SSUH2: variants seen among roughly 807,000 people sequenced by gnomAD.
SSUH2 encodes protein SSUH2 homolog.
A neutral mutation model predicts 55.3 loss-of-function variants in SSUH2; 47 were observed. The observed-to-expected ratio is 0.85, with a 90% CI of 0.67 to 1.08. The LOEUF (loss-of-function observed/expected upper bound fraction) is 1.08, where lower values mean the gene tolerates loss of function less well. SSUH2 is among the 50% of genes least tolerant of loss of function. The pLI, the probability that SSUH2 is intolerant of heterozygous loss-of-function variation, is 0.00. For synonymous variants in SSUH2, 212 were observed against 191.5 expected (o/e 1.11, Z -0.89); for missense variants, 535 against 490.7 (o/e 1.09, Z -0.85).
intron 3 of SSUH2, among the ~76,000 whole-genome samples, chr3:8,675,679 G>C (rs554238551): frequency 1.4e-3 from 216 of 152,292 alleles, no homozygotes; most frequent in African/African-American, 5.1e-3. Context: ...GTGGGGTTTT[G>C]TAGACTGTGG....
Position 8,633,990 on chromosome 3 carries a change from G to A in SSUH2, c.210-195C>T, listed in dbSNP as rs2125189671. ...GGTGCCCAGCGTGAGAACGGGGCAG[G>A]TTTTCCTAGAGAACAGCCAAAAACA... On this transcript the variant is annotated intron_variant, in intron 3 of 11. Coordinates refer to ENST00000544814, the MANE Select transcript of SSUH2 (RefSeq NM_001256748.3). 3.1e-6 allele frequency: 5 copies of A among 1,592,724 alleles called. No homozygotes were observed. The South Asian group carries it at 4.5e-5, about 14-fold the overall frequency.
chr3:8,671,720 T>A (rs1704587108), intron 4 of SSUH2, among the ~76,000 whole-genome samples: 1 of 152,090 alleles, frequency 6.6e-6, no homozygotes, highest in Non-Finnish European at 1.5e-5. Context: ...GTTGCTAGAA[T>A]ATGGAAAATA....
At chr3:8,661,676 C>T (rs569324248) in intron 6 of SSUH2, among the ~76,000 whole-genome samples, 49 of 152,304 alleles carry the variant, frequency 3.2e-4, no homozygotes, top group African/African-American at 1.1e-3. Flanking sequence ...CCTCAGTTTC[C>T]ACAGGACCAC....
In SSUH2 at chr3:8,636,915, G is replaced by A. The variant is rs145163542; in HGVS notation, c.29-1058C>T. Among the ~76,000 whole-genome samples, 665 of 152,282 alleles carry A rather than the reference G, an allele frequency of 4.4e-3. 8 individuals carry two copies. The highest frequency in any genetic ancestry group is 0.014 in the African/African-American group (586 of 41,544). ...CCCAAGATCATACAACCAGCAAGTG[G>A]TGGGTGGGGCTGGATTCAAACCTAG... On this transcript the variant is annotated intron_variant, in intron 1 of 11. Transcript: ENST00000544814.
At position 8,623,536 on chromosome 3, in the gene SSUH2, C is replaced by T. The variant is rs746018189; in HGVS notation, c.981+13G>A. 2.3e-5 allele frequency: 34 copies of T among 1,510,602 alleles called. No individual in the cohort carries two copies. In the Middle Eastern group the frequency reaches 5.3e-4, roughly 23 times the overall value. 93.6% of individuals were successfully genotyped at this position (1,510,602 alleles called of 1,614,324 possible). On this transcript the variant is annotated intron_variant, in intron 11 of 11. Transcript: ENST00000544814. ...AGACGTCAGAGCCAGATGGCCCCTC[C>T]GCCCTGGCTCACCTGCTGCAGGACG...
chr3:8,676,747 C>A (rs1418286747), intron 3 of SSUH2, among the ~76,000 whole-genome samples: 1 of 151,118 alleles, frequency 6.6e-6, no homozygotes, highest in Non-Finnish European at 1.5e-5. Context: ...ATCATTCTCT[C>A]CCCCTCTTCC....
upstream of SSUH2, among the ~76,000 whole-genome samples, chr3:8,647,164 T>A (rs887208642): frequency 4.6e-5 from 7 of 152,080 alleles, no homozygotes; most frequent in Non-Finnish European, 7.4e-5. Context: ...TTGAACATGA[T>A]AGTGAGGAAA....
chr3:8,658,104 T>C (rs1703112973), intron 7 of SSUH2, among the ~76,000 whole-genome samples: 1 of 152,216 alleles, frequency 6.6e-6, no homozygotes, highest in Non-Finnish European at 1.5e-5. Flanking sequence ...GGCAGGTCAC[T>C]TAACCTCTCT....
At chr3:8,681,210 T>A (rs1419680283) in intron 1 of SSUH2, among the ~76,000 whole-genome samples, 1 of 144,096 alleles carries the variant, frequency 6.9e-6, no homozygotes, top group East Asian at 2.1e-4. Context: ...CCAGCCCCTC[T>A]TCCCCCCCTG....
rs546704231 is a variant in SSUH2 at position 8,623,563 on chromosome 3, G to C, written c.967C>G (p.Arg323Gly). Residue 323 changes from arginine (R) to glycine (G), a missense_variant, in exon 11 of 12, where the codon CGC (arginine) becomes GGC (glycine). Coordinates refer to ENST00000544814, the MANE Select transcript of SSUH2 (RefSeq NM_001256748.3). ...CCCTGGCTCACCTGCTGCAGGACGC[G>C]GGCACGGGAGGCCAAGGCAGCGCTG... is the stretch of plus-strand genomic sequence containing the variant. ...EHSAALASRARVLQQRQTIEL... is the reference protein window; with the variant it reads ...EHSAALASRAGVLQQRQTIEL... 9 of 1,549,490 alleles carry C rather than the reference G, an allele frequency of 5.8e-6. No homozygotes were observed. The highest frequency in any genetic ancestry group is 6.1e-6 in the Non-Finnish European group (7 of 1,145,194).
intron 2 of SSUH2, among the ~76,000 whole-genome samples, chr3:8,678,411 G>A (rs1705595272): frequency 6.6e-6 from 1 of 152,096 alleles, no homozygotes; most frequent in South Asian, 2.1e-4. Context: ...TTCACAGGCT[G>A]GGTGAACAGC....
intron 7 of SSUH2, among the ~76,000 whole-genome samples, chr3:8,655,670 A>G (rs1702862627): frequency 6.6e-6 from 1 of 152,248 alleles, no homozygotes; most frequent in Non-Finnish European, 1.5e-5. Context: ...TCGGAATCCC[A>G]AACATGCCTC....
chr3:8,622,086 T>G (rs1435677586), intron 11 of SSUH2, among the ~76,000 whole-genome samples: 1 of 152,162 alleles, frequency 6.6e-6, no homozygotes, highest in Non-Finnish European at 1.5e-5. Context: ...ATAAGCAGAT[T>G]CCAGGTCTCA....
Position 8,650,613 on chromosome 3 carries a change from C to T in SSUH2, c.-307+8312G>A, listed in dbSNP as rs184452370. Among the ~76,000 whole-genome samples, 613 of 152,312 alleles carry T rather than the reference C, an allele frequency of 4.0e-3. 15 individuals carry two copies. Among genetic ancestry groups the T allele is most frequent in the Non-Finnish European group, 3.2e-3 (217 of 68,024 alleles). Reference sequence around the variant, plus strand: ...TGTCCCTGTTTCTAGACATTTACTTCTTCAAAAACAGGGATCCAGTCTGAG... The same window carrying T: ...TGTCCCTGTTTCTAGACATTTACTTTTTCAAAAACAGGGATCCAGTCTGAG... On this transcript the variant is annotated intron_variant, in intron 7 of 18. Coordinates refer to the SSUH2 transcript ENST00000317371.
At chr3:8,629,815 T>G in intron 6 of SSUH2, 89 bp from the exon 7 acceptor site, 38 of 1,268,160 alleles carry the variant, frequency 3.0e-5, no homozygotes, top group Non-Finnish European at 4.2e-5. Context: ...GAAGGTGGAG[T>G]GGATCAGGAC....
At chr3:8,648,875 C>T (rs1287708392), upstream of SSUH2, among the ~76,000 whole-genome samples, 2 of 152,134 alleles carry the variant, frequency 1.3e-5, no homozygotes, top group Non-Finnish European at 2.9e-5. Context: ...CTCTGGCCTG[C>T]CCCCACCGTC....
chr3:8,678,909 GC>G (rs1705685846), intron 2 of SSUH2, among the ~76,000 whole-genome samples: 2 of 111,854 alleles, frequency 1.8e-5, no homozygotes, highest in African/African-American at 6.1e-5. Flanking sequence ...GGCACCCCCC[GC>G]CAGGCGGGGA....
chr3:8,658,627 A>G (rs1055005261), intron 7 of SSUH2, among the ~76,000 whole-genome samples: 11 of 152,212 alleles, frequency 7.2e-5, no homozygotes, highest in Admixed American at 6.5e-4. Context: ...GGAAAGGCAA[A>G]GGCCAGACTA....
intron 1 of SSUH2, 133 bp from the exon 2 acceptor site, chr3:8,635,990 CT>C (rs1410428649): frequency 1.4e-6 from 1 of 691,062 alleles, no homozygotes; most frequent in Non-Finnish European, 2.4e-6. Context: ...CTCTGGCATC[CT>C]TAGGACACAG....
Sources: gnomAD v4.1 joint callset for allele counts (sites outside exome capture counted in the v4.1 genomes callset) on GRCh38, gnomAD v4.1.1 for gene constraint, MANE v1.5 for transcripts, NCBI Gene and HGNC (gene_info 2026-07-23, HGNC 2026-07-21) for gene names.